The following GRID2 variants were observed in gnomAD, a reference collection of about 807,000 sequenced individuals.
GRID2 encodes the protein glutamate ionotropic receptor delta type subunit 2.
In GRID2, 33 loss-of-function variants were observed where a neutral mutation model predicts 114.8. The observed-to-expected ratio is 0.29, with a 90% CI of 0.22 to 0.38. The LOEUF (loss-of-function observed/expected upper bound fraction) is 0.38. Among genes scored for constraint, GRID2 ranks in the 10% least tolerant of loss-of-function variants. The pLI is 1.00. For missense variants in GRID2, 1,184 were observed against 1,257.7 expected, an observed-to-expected ratio of 0.94 and a Z score of 0.89; for synonymous variants, 505 against 449.9, an observed-to-expected ratio of 1.12 and a Z score of -1.55.
intron 1 of GRID2, among the ~76,000 whole-genome samples, chr4:92,484,960 C>T (rs1053102386): frequency 4.8e-4 from 73 of 151,882 alleles, no homozygotes; most frequent in Non-Finnish European, 9.9e-4. Context: ...TGGAAAACTT[C>T]ATGTAGCGAT....
At position 93,255,958 on chromosome 4, in the gene GRID2, G is replaced by GA. The variant is rs1380728420; in HGVS notation, c.1245+17474dup. 5.3e-5 allele frequency among the ~76,000 whole-genome samples: 8 copies of GA among 152,086 alleles called. No homozygotes were observed. The South Asian group carries it at 8.3e-4, about 16-fold the overall frequency. The stretch of plus-strand genomic sequence containing the variant: ...TATGTTATAGTTTATTGAAGTCCAA[G>GA]AAAAAATCTATTTTAAAAAACCTTA... On this transcript the variant is annotated intron_variant, in intron 8 of 15. Coordinates refer to ENST00000282020, the MANE Select transcript of GRID2 (RefSeq NM_001510.4).
At chr4:92,920,108 T>C (rs1749184009) in intron 2 of GRID2, among the ~76,000 whole-genome samples, 1 of 152,180 alleles carries the variant, frequency 6.6e-6, no homozygotes, top group Non-Finnish European at 1.5e-5. Flanking sequence ...ATAATGGCCT[T>C]CTTTGTCTCT....
chr4:93,589,185 A>G (rs1002552919), intron 13 of GRID2, among the ~76,000 whole-genome samples: 12 of 144,654 alleles, frequency 8.3e-5, no homozygotes, highest in Non-Finnish European at 1.5e-4. Flanking sequence ...ATATCTCCCA[A>G]TGCTATCCCT....
chr4:93,067,370 C>A (rs1021604802), intron 2 of GRID2, among the ~76,000 whole-genome samples: 1 of 151,950 alleles, frequency 6.6e-6, no homozygotes, highest in Non-Finnish European at 1.5e-5. Context: ...GTTCTGGAGG[C>A]TGAGAAGTCC....
At chr4:92,867,593 T>TG (rs1249879254) in intron 2 of GRID2, among the ~76,000 whole-genome samples, 1 of 152,132 alleles carries the variant, frequency 6.6e-6, no homozygotes, top group Admixed American at 6.5e-5. Context: ...TTTTTTTTTT[T>TG]TTTTGCATGT....
At position 93,739,539 on chromosome 4, in the gene GRID2, C is replaced by A. The variant is rs182636167; in HGVS notation, c.2361-29671C>A. On this transcript the variant is annotated intron_variant, in intron 14 of 15. Coordinates refer to ENST00000282020, the MANE Select transcript of GRID2 (RefSeq NM_001510.4). ...GATTATCCCATTTTTAAAGGGATAA[C>A]TATTTAGACATATTGTCCTTGGTCT... Among the ~76,000 whole-genome samples the A allele has an allele frequency of 1.2e-3, 188 of 152,160 alleles. 1 individual carries two copies. The highest frequency in any genetic ancestry group is 1.9e-3 in the Non-Finnish European group (127 of 67,990).
At chr4:92,557,112 C>T (rs1047540916) in intron 1 of GRID2, among the ~76,000 whole-genome samples, 7 of 151,916 alleles carry the variant, frequency 4.6e-5, no homozygotes, top group Non-Finnish European at 1.0e-4. Flanking sequence ...TCTTTTGCCC[C>T]TTCTTGGTTT....
chr4:93,272,881 A>G (rs1487578441), intron 8 of GRID2, among the ~76,000 whole-genome samples: 1 of 152,108 alleles, frequency 6.6e-6, no homozygotes, highest in African/African-American at 2.4e-5. Context: ...CATTGGTGCA[A>G]TCTGTAATAA....
chr4:93,322,376 T>A (rs1757327278), intron 8 of GRID2, among the ~76,000 whole-genome samples: 1 of 152,176 alleles, frequency 6.6e-6, no homozygotes. Flanking sequence ...GGACATGAAC[T>A]CATCATTTTT....
intron 2 of GRID2, among the ~76,000 whole-genome samples, chr4:92,816,673 G>C (rs892599831): frequency 1.3e-5 from 2 of 152,130 alleles, no homozygotes; most frequent in Admixed American, 6.6e-5. Flanking sequence ...TTTGATTCAT[G>C]TGGTCTAGAT....
intron 2 of GRID2, among the ~76,000 whole-genome samples, chr4:92,744,915 A>T (rs771032569): frequency 1.3e-5 from 2 of 152,118 alleles, no homozygotes; most frequent in Non-Finnish European, 2.9e-5. Context: ...TAGCAAAGGG[A>T]AGGGCTAATT....
At chr4:92,845,119 T>C (rs1186347256) in intron 2 of GRID2, among the ~76,000 whole-genome samples, 2 of 152,096 alleles carry the variant, frequency 1.3e-5, no homozygotes, top group Non-Finnish European at 2.9e-5. Context: ...TAGTCCTGAC[T>C]TGATGGTCCC....
chr4:93,672,054 C>T (rs1218701035), intron 14 of GRID2, among the ~76,000 whole-genome samples: 1 of 152,188 alleles, frequency 6.6e-6, no homozygotes, highest in African/African-American at 2.4e-5. Flanking sequence ...ATCTGTTCTA[C>T]ATCCTGCTAT....
At chr4:93,150,735 T>C (rs1736657634) in intron 4 of GRID2, among the ~76,000 whole-genome samples, 1 of 152,064 alleles carries the variant, frequency 6.6e-6, no homozygotes, top group African/African-American at 2.4e-5. Context: ...AGTGGTAGCC[T>C]CTTTGTCCTG....
intron 14 of GRID2, among the ~76,000 whole-genome samples, chr4:93,726,708 G>C (rs1393492995): frequency 6.6e-6 from 1 of 152,068 alleles, no homozygotes; most frequent in African/African-American, 2.4e-5. Flanking sequence ...CACATCTCTT[G>C]TAAGTTGAAT....
intron 2 of GRID2, among the ~76,000 whole-genome samples, chr4:92,792,545 C>T (rs747905398): frequency 6.6e-5 from 10 of 151,094 alleles, no homozygotes; most frequent in African/African-American, 9.7e-5. Flanking sequence ...CTTTTGTCCC[C>T]CAAAGTTGAA....
intron 2 of GRID2, among the ~76,000 whole-genome samples, chr4:92,634,736 C>CT (rs1363203908): frequency 1.4e-3 from 167 of 121,244 alleles, no homozygotes; most frequent in African/African-American, 3.8e-3. Context: ...AGAAACATTT[C>CT]TTTTTTTTTT....
At chr4:92,875,154 T>G (rs1055623617) in intron 2 of GRID2, among the ~76,000 whole-genome samples, 5 of 141,808 alleles carry the variant, frequency 3.5e-5, no homozygotes, top group African/African-American at 8.0e-5. Context: ...AAAAGGTTTT[T>G]TTTTTTTTTT....
rs528573493 is a variant in GRID2, at chr4:92,322,278, C to G, written c.88+17534C>G. The stretch of plus-strand genomic sequence containing the variant: ...ATGAAGTAGATGGCTAAAATGTTTG[C>G]TAGGGCTGATTCTGATGTTTAGCTC... On this transcript the variant is annotated intron_variant, in intron 1 of 15. Transcript: ENST00000282020. 2.6e-5 allele frequency among the ~76,000 whole-genome samples: 4 copies of G among 151,612 alleles called. No individual in the cohort carries two copies. The East Asian group carries it at 7.8e-4, about 30-fold the overall frequency.
Sources: gnomAD v4.1 joint callset for allele counts (sites outside exome capture counted in the v4.1 genomes callset) on GRCh38, gnomAD v4.1.1 for gene constraint, MANE v1.5 for transcripts, NCBI Gene and HGNC (gene_info 2026-07-23, HGNC 2026-07-21) for gene names.